VWC2L: variants seen among roughly 807,000 people sequenced by gnomAD.
VWC2L encodes von Willebrand factor C domain-containing protein 2-like.
Under a neutral mutation model 21.6 loss-of-function variants are expected in VWC2L, and 10 were observed. The observed-to-expected ratio is 0.46, with a 90% CI of 0.29 to 0.78. VWC2L has a LOEUF of 0.78. Among genes scored for constraint, VWC2L ranks in the 30% least tolerant of loss-of-function variants. The probability of loss-of-function intolerance (pLI) is 0.10; values close to 1 mark genes in which losing one functional copy is unlikely to be tolerated. For missense variants in VWC2L, 209 were observed against 277.1 expected (o/e 0.75, Z 1.74); for synonymous variants, 96 against 94.3 (o/e 1.02, Z -0.10).
chr2:214,447,809 G>A (rs1702862256), intron 3 of VWC2L, among the ~76,000 whole-genome samples: 1 of 151,986 alleles, frequency 6.6e-6, no homozygotes, highest in South Asian at 2.1e-4. Flanking sequence ...AACCTTCTTG[G>A]GCTCTTGCAT....
intron 3 of VWC2L, among the ~76,000 whole-genome samples, chr2:214,452,129 C>T (rs1284147920): frequency 6.6e-6 from 1 of 152,064 alleles, no homozygotes; most frequent in African/African-American, 2.4e-5. Flanking sequence ...TCAGTATGCA[C>T]TCTCTTTTGT....
chr2:214,435,468 T>C (rs1052707669), intron 2 of VWC2L, among the ~76,000 whole-genome samples: 3 of 152,188 alleles, frequency 2.0e-5, no homozygotes, highest in Admixed American at 2.0e-4. Flanking sequence ...ACAAAATGAA[T>C]TTTTAAAATA....
At chr2:214,422,753 A>C (rs1488096185) in intron 2 of VWC2L, among the ~76,000 whole-genome samples, 1 of 152,190 alleles carries the variant, frequency 6.6e-6, no homozygotes, top group Admixed American at 6.5e-5. Flanking sequence ...CCATCTTTGC[A>C]AAGATTTAAT....
chr2:214,562,884 C>CA (rs987177835), intron 3 of VWC2L, among the ~76,000 whole-genome samples: 29 of 152,118 alleles, frequency 1.9e-4, no homozygotes, highest in African/African-American at 7.0e-4. Context: ...GAGTAGATTG[C>CA]AAAAATTTTC....
intron 3 of VWC2L, among the ~76,000 whole-genome samples, chr2:214,487,981 C>T (rs1297373948): frequency 6.6e-6 from 1 of 152,146 alleles, no homozygotes; most frequent in African/African-American, 2.4e-5. Context: ...GATACTGTTG[C>T]TATTACAGCA....
intron 3 of VWC2L, among the ~76,000 whole-genome samples, chr2:214,514,835 T>G (rs1179187827): frequency 1.3e-5 from 2 of 152,172 alleles, no homozygotes; most frequent in African/African-American, 4.8e-5. Context: ...ATGACCAGCA[T>G]AAAAAATTGC....
intron 3 of VWC2L, among the ~76,000 whole-genome samples, chr2:214,450,504 T>C (rs925571446): frequency 1.3e-5 from 2 of 152,202 alleles, no homozygotes; most frequent in African/African-American, 4.8e-5. Flanking sequence ...AGTTGAAACA[T>C]CAGGTATTAA....
At chr2:214,445,459 C>T (rs1352333787) in intron 3 of VWC2L, among the ~76,000 whole-genome samples, 1 of 151,268 alleles carries the variant, frequency 6.6e-6, no homozygotes, top group African/African-American at 2.4e-5. Flanking sequence ...AATATGTTTA[C>T]AATATTAAAC....
intron 3 of VWC2L, among the ~76,000 whole-genome samples, chr2:214,451,236 C>T (rs1208680343): frequency 6.8e-6 from 1 of 147,390 alleles, no homozygotes; most frequent in Non-Finnish European, 1.5e-5. Context: ...GGAATATATA[C>T]TTCTTTTTAG....
chr2:214,508,065 CT>C (rs1688992882), intron 3 of VWC2L, among the ~76,000 whole-genome samples: 1 of 152,138 alleles, frequency 6.6e-6, no homozygotes, highest in Admixed American at 6.5e-5. Flanking sequence ...CAAGCTCCGC[CT>C]ACCGGGTTCA....
chr2:214,496,767 T>C (rs181212704), intron 3 of VWC2L, among the ~76,000 whole-genome samples: 14 of 152,342 alleles, frequency 9.2e-5, no homozygotes, highest in African/African-American at 2.4e-4. Context: ...AATGATTTAT[T>C]CTAAAAATGC....
chr2:214,494,752 C>T (rs1688788587), intron 3 of VWC2L, among the ~76,000 whole-genome samples: 1 of 151,670 alleles, frequency 6.6e-6, no homozygotes, highest in Admixed American at 6.6e-5. Context: ...TGTTACACAA[C>T]TGTGTTTTTT....
At chr2:214,546,568 C>T (rs1010778070) in intron 3 of VWC2L, among the ~76,000 whole-genome samples, 4 of 151,986 alleles carry the variant, frequency 2.6e-5, no homozygotes, top group East Asian at 1.9e-4. Context: ...ACACACAAAC[C>T]GGGCAAATTA....
At chr2:214,486,636 A>T (rs10460334) in intron 3 of VWC2L, among the ~76,000 whole-genome samples, 1 of 151,902 alleles carries the variant, frequency 6.6e-6, no homozygotes, top group South Asian at 2.1e-4. Context: ...GGAGATCTCT[A>T]TATATCTAAG....
Position 214,433,262 on chromosome 2 carries a change from G to A in VWC2L, c.391-3367G>A, listed in dbSNP as rs548536439. On this transcript the variant is annotated intron_variant, in intron 2 of 3. Coordinates refer to ENST00000312504, the MANE Select transcript of VWC2L (RefSeq NM_001080500.4). The stretch of plus-strand genomic sequence containing the variant: ...ACTAAAATTTATGAAAAAGTAGTGA[G>A]TGAATGTTACTTTATTTTCTAAGGA... Among the ~76,000 whole-genome samples the A allele has an allele frequency of 2.7e-5, 4 of 150,738 alleles. No homozygotes were observed. In the South Asian group the frequency reaches 8.4e-4, roughly 31 times the overall value.
chr2:214,428,814 CAAAAA>C lies in VWC2L; in HGVS notation c.391-7799_391-7795del, dbSNP rs11431112. ...GAAAATCTTTGCACACAGACAGTGG[CAAAAA>C]AAAAAAAAAAAAAAAGGAGTTCCTG... On this transcript the variant is annotated intron_variant, in intron 2 of 3. Coordinates refer to ENST00000312504, the MANE Select transcript of VWC2L (RefSeq NM_001080500.4). 9.2e-5 allele frequency among the ~76,000 whole-genome samples: 9 copies of C among 98,324 alleles called. No homozygotes were observed. The East Asian group carries it at 1.1e-3, about 12-fold the overall frequency. The allele number at this position is 98,324 out of a possible 152,430, so 64.5% of individuals were successfully genotyped here.
chr2:214,567,963 C>T (rs998608628), intron 3 of VWC2L, among the ~76,000 whole-genome samples: 2 of 152,058 alleles, frequency 1.3e-5, no homozygotes, highest in African/African-American at 4.8e-5. Context: ...GAGCTTCCTA[C>T]AAGAGAAAAC....
At chr2:214,552,447 G>C (rs1689808560) in intron 3 of VWC2L, among the ~76,000 whole-genome samples, 2 of 151,982 alleles carry the variant, frequency 1.3e-5, no homozygotes, top group African/African-American at 4.8e-5. Context: ...CAATGACATA[G>C]GAATTGCTCT....
intron 3 of VWC2L, among the ~76,000 whole-genome samples, chr2:214,556,575 G>T (rs2105927385): frequency 6.6e-6 from 1 of 152,278 alleles, no homozygotes; most frequent in South Asian, 2.1e-4. Context: ...AATATCTTTT[G>T]ATGTAAATTC....
Sources: gnomAD v4.1 joint callset for allele counts (sites outside exome capture counted in the v4.1 genomes callset) on GRCh38, gnomAD v4.1.1 for gene constraint, MANE v1.5 for transcripts, NCBI Gene and HGNC (gene_info 2026-07-23, HGNC 2026-07-21) for gene names.